TBCK: variants seen among roughly 807,000 people sequenced by gnomAD.
TBCK encodes the protein TBC1 domain containing kinase.
A neutral mutation model predicts 113.4 loss-of-function variants in TBCK; 99 were observed. The ratio of observed to expected loss-of-function variants is 0.87; its 90% CI spans 0.74 to 1.03. The LOEUF is 1.03. Ranked by LOEUF, TBCK falls within the 50% of genes least tolerant of loss-of-function variation. The pLI, the probability that TBCK is intolerant of heterozygous loss-of-function variation, is 0.00. For synonymous variants in TBCK, 369 were observed against 370.8 expected (o/e 1.00, Z 0.05); for missense variants, 1,045 against 1,061.3 (o/e 0.98, Z 0.21).
chr4:106,246,763 T>C (rs914783630), intron 10 of TBCK, among the ~76,000 whole-genome samples: 15 of 152,128 alleles, frequency 9.9e-5, no homozygotes, highest in African/African-American at 3.6e-4. Flanking sequence ...CCAGTTCAGT[T>C]AGGCTCTGAT....
chr4:106,139,121 A>G (rs565621279), intron 23 of TBCK, among the ~76,000 whole-genome samples: 1 of 140,458 alleles, frequency 7.1e-6, no homozygotes, highest in East Asian at 2.0e-4. Context: ...CCTCCTTGTC[A>G]CTTGGAATAT....
At chr4:106,069,253 T>C (rs2149473545) in intron 25 of TBCK, among the ~76,000 whole-genome samples, 1 of 152,356 alleles carries the variant, frequency 6.6e-6, no homozygotes, top group South Asian at 2.1e-4. Flanking sequence ...GCCCAGGTTT[T>C]CTTCTAGGGT....
intron 20 of TBCK, among the ~76,000 whole-genome samples, chr4:106,195,060 T>A (rs1754063750): frequency 6.6e-6 from 1 of 152,084 alleles, no homozygotes; most frequent in South Asian, 2.1e-4. Flanking sequence ...TTTCTGTATG[T>A]CACTTTTCTT....
chr4:106,261,898 T>C (rs1463634537), intron 4 of TBCK, among the ~76,000 whole-genome samples, 200 bp downstream of exon 4: 1 of 151,932 alleles, frequency 6.6e-6, no homozygotes, highest in African/African-American at 2.4e-5. Context: ...ATGTGAAAGA[T>C]ATACAGATTA....
intron 23 of TBCK, among the ~76,000 whole-genome samples, chr4:106,121,190 A>T (rs1460427957): frequency 2.0e-5 from 3 of 151,848 alleles, no homozygotes; most frequent in African/African-American, 7.3e-5. Flanking sequence ...TCTACCAAGC[A>T]AATGGAAAAC....
intron 22 of TBCK, among the ~76,000 whole-genome samples, chr4:106,171,480 T>C (rs1328108815): frequency 6.6e-6 from 1 of 152,160 alleles, no homozygotes; most frequent in South Asian, 2.1e-4. Context: ...TGCTTATATA[T>C]ATTTGTAAAT....
In TBCK at chr4:106,227,963, TTA is replaced by T. The variant is rs967425708; in HGVS notation, c.1774+2398_1774+2399del. ...TTTCTATGTACCAGAAATTTACATA[TTA>T]TGTTTAACCTCTACAATATTTTTAT... On this transcript the variant is annotated intron_variant, in intron 19 of 25. Coordinates refer to ENST00000394708, the MANE Select transcript of TBCK (RefSeq NM_001163435.3). Among the ~76,000 whole-genome samples, 60 of 152,090 alleles carry T rather than the reference TTA, an allele frequency of 3.9e-4. 1 individual carries two copies. The highest frequency in any genetic ancestry group is 1.3e-3 in the African/African-American group (54 of 41,548).
At chr4:106,189,232 C>A (rs570168278) in intron 22 of TBCK, among the ~76,000 whole-genome samples, 58 of 151,696 alleles carry the variant, frequency 3.8e-4, no homozygotes, top group Non-Finnish European at 7.8e-4. Context: ...AATTTAATTT[C>A]CATTTTGATT....
chr4:106,080,345 G>T (rs1374905365), intron 25 of TBCK, among the ~76,000 whole-genome samples: 1 of 152,102 alleles, frequency 6.6e-6, no homozygotes, highest in Admixed American at 6.5e-5. Flanking sequence ...TCATGGAAAA[G>T]GATAGAGAAA....
At chr4:106,226,008 A>T (rs1399914095) in intron 19 of TBCK, among the ~76,000 whole-genome samples, 1 of 152,030 alleles carries the variant, frequency 6.6e-6, no homozygotes, top group Non-Finnish European at 1.5e-5. Context: ...ACAAAAAAAT[A>T]CAAAAATTAG....
At chr4:106,095,930 A>G (rs1740846348) in intron 24 of TBCK, among the ~76,000 whole-genome samples, 1 of 152,232 alleles carries the variant, frequency 6.6e-6, no homozygotes, top group African/African-American at 2.4e-5. Flanking sequence ...AACTACACTT[A>G]AAGAGGTTCT....
At chr4:106,249,853 T>C (rs1761234238) in intron 7 of TBCK, among the ~76,000 whole-genome samples, 1 of 152,172 alleles carries the variant, frequency 6.6e-6, no homozygotes, top group Admixed American at 6.6e-5. Context: ...TACTAATCTG[T>C]CACTCTTTTG....
chr4:106,139,177 G>A (rs1365125897), intron 23 of TBCK, among the ~76,000 whole-genome samples: 5 of 140,774 alleles, frequency 3.6e-5, no homozygotes, highest in African/African-American at 1.3e-4. Flanking sequence ...ACCAAAGGAT[G>A]TCAACTAAAT....
chr4:106,094,513 A>G (rs1740692290), intron 25 of TBCK, among the ~76,000 whole-genome samples: 1 of 152,174 alleles, frequency 6.6e-6, no homozygotes, highest in African/African-American at 2.4e-5. Context: ...GTAAAAAAAA[A>G]ATAAAGTTTT....
intron 23 of TBCK, among the ~76,000 whole-genome samples, chr4:106,126,096 G>A (rs1240511980): frequency 5.3e-5 from 8 of 152,188 alleles, no homozygotes; most frequent in African/African-American, 1.9e-4. Flanking sequence ...CTTTGCACAT[G>A]TTGTTCCTTC....
rs1371200409 is a variant in TBCK at position 106,295,414 on chromosome 4, T to C, written c.194-248A>G. 2.6e-5 allele frequency among the ~76,000 whole-genome samples: 4 copies of C among 152,186 alleles called. No individual in the cohort carries two copies. In the South Asian group the frequency reaches 6.2e-4, roughly 24 times the overall value. ...TTTTTCTTACATACGTCAGGAAAAA[T>C]AGGTGGAAAGACTGTCCTTGGGGAA... On this transcript the variant is annotated intron_variant, in intron 2 of 25. Transcript: ENST00000394708.
At chr4:106,290,826 T>C (rs1272093178) in intron 3 of TBCK, among the ~76,000 whole-genome samples, 1 of 152,214 alleles carries the variant, frequency 6.6e-6, no homozygotes, top group Non-Finnish European at 1.5e-5. Flanking sequence ...GCAGCAGCAC[T>C]GATTCTCATA....
chr4:106,093,697 G>A lies in TBCK; in HGVS notation c.2571+1785C>T, dbSNP rs1488457549. 3.9e-5 allele frequency among the ~76,000 whole-genome samples: 6 copies of A among 152,104 alleles called. No individual in the cohort carries two copies. In the East Asian group the frequency reaches 1.2e-3, roughly 29 times the overall value. On this transcript the variant is annotated intron_variant, in intron 25 of 25. Transcript: ENST00000394708. ...ACTTGAGGCTGGAGGGTGGGAGGAG[G>A]AAGAGAAGCAGAAAAAATAACTATT...
In TBCK at chr4:106,205,339, T is replaced by C. The variant is rs141655440; in HGVS notation, c.1860+7411A>G. On this transcript the variant is annotated intron_variant, in intron 20 of 25. Transcript: ENST00000394708. Reference sequence around the variant, plus strand: ...ACAAATTCATGACACTACAAAATTATGTATGAGTAAAAGAGCCATCTAAAT... The same window carrying C: ...ACAAATTCATGACACTACAAAATTACGTATGAGTAAAAGAGCCATCTAAAT... Among the ~76,000 whole-genome samples the C allele has an allele frequency of 2.1e-4, 32 of 152,210 alleles. No individual in the cohort carries two copies. The East Asian group carries it at 6.0e-3, about 29-fold the overall frequency.
Sources: gnomAD v4.1 joint callset for allele counts (sites outside exome capture counted in the v4.1 genomes callset) on GRCh38, gnomAD v4.1.1 for gene constraint, MANE v1.5 for transcripts, NCBI Gene and HGNC (gene_info 2026-07-23, HGNC 2026-07-21) for gene names.